LPAR6: variants seen among roughly 807,000 people sequenced by gnomAD.
LPAR6 encodes G-protein coupled purinergic receptor P2Y5.
Under a neutral mutation model 22.0 loss-of-function variants are expected in LPAR6, and 17 were observed. The observed-to-expected ratio is 0.77, with a 90% CI of 0.53 to 1.16. The LOEUF is 1.16. Ranked by LOEUF, LPAR6 falls within the 50% of genes most tolerant of loss-of-function variation. The pLI, the probability that LPAR6 is intolerant of heterozygous loss-of-function variation, is 0.00. For synonymous variants in LPAR6, 136 were observed against 139.8 expected (o/e 0.97, Z 0.19); for missense variants, 384 against 406.9 (o/e 0.94, Z 0.48).
At chr13:48,435,738 G>A (rs1192642589) in intron 1 of LPAR6, among the ~76,000 whole-genome samples, 2 of 152,136 alleles carry the variant, frequency 1.3e-5, no homozygotes, top group African/African-American at 4.8e-5. Context: ...TGAGATTTGG[G>A]TTGAGGTTTT....
intron 1 of LPAR6, among the ~76,000 whole-genome samples, chr13:48,403,432 T>C (rs1296712267): frequency 2.0e-5 from 3 of 151,976 alleles, no homozygotes; most frequent in Non-Finnish European, 4.4e-5. Flanking sequence ...AGTTGATTCA[T>C]TTTTTTAGTA....
At chr13:48,402,137 C>T (rs995170650) in intron 1 of LPAR6, among the ~76,000 whole-genome samples, 1 of 152,022 alleles carries the variant, frequency 6.6e-6, no homozygotes, top group Non-Finnish European at 1.5e-5. Context: ...ACATAGGATA[C>T]ACTAATCCAA....
intron 1 of LPAR6, chr13:48,401,207 C>T (rs1948689072): frequency 6.6e-6 from 1 of 152,082 alleles, no homozygotes; most frequent in Admixed American, 6.6e-5. Context: ...GATGGAAGCA[C>T]ATATACTCTT....
rs764752878 is a variant in LPAR6 at position 48,412,186 on chromosome 13, G to T, written c.238C>A (p.Arg80=). The part of the protein sequence containing the change: ...LPFRIFYFTT[R]NWPFGDLLCK... ...AGTAAATCTCCAAATGGCCAATTCCGTGTTGTGAAGTAAAAAATCCTGAAG... is the reference window on the plus strand; with the variant it reads ...AGTAAATCTCCAAATGGCCAATTCCTTGTTGTGAAGTAAAAAATCCTGAAG... Residue 80 remains arginine, a synonymous_variant, in exon 1 of 1, where the codon CGG becomes AGG. Coordinates refer to ENST00000620633, the MANE Select transcript of LPAR6 (RefSeq NM_001162498.3). 2 of 1,613,794 alleles carry T rather than the reference G, an allele frequency of 1.2e-6. No homozygotes were observed. The highest frequency in any genetic ancestry group is 1.7e-6 in the Non-Finnish European group (2 of 1,179,956).
intron 1 of LPAR6, among the ~76,000 whole-genome samples, chr13:48,435,811 G>A (rs1949177399): frequency 6.6e-6 from 1 of 152,146 alleles, no homozygotes; most frequent in Non-Finnish European, 1.5e-5. Flanking sequence ...TTATTTTAAA[G>A]GCTATCCTTT....
At chr13:48,433,182 G>A (rs534470801) in intron 1 of LPAR6, among the ~76,000 whole-genome samples, 9 of 151,924 alleles carry the variant, frequency 5.9e-5, no homozygotes, top group East Asian at 1.9e-4. Flanking sequence ...TATCTAAAAC[G>A]TGACTTATTA....
rs1948810552 is a variant in LPAR6 at position 48,411,814 on chromosome 13, A to G, written c.610T>C (p.Ser204Pro). The change falls in exon 1 of 1, where the codon TCT becomes CCT. Residue 204 changes from serine to proline, a missense_variant. Physicochemically the swap from Ser to Pro is moderately conservative, Grantham distance 74. Coordinates refer to ENST00000620633, the MANE Select transcript of LPAR6 (RefSeq NM_001162498.3). ...GTTAAAGTTTTTAGCACCATACTAG[A>G]ACAAGTTACATTTAAAATTAGAGGA... ...FIPLILNVTC[S>P]SMVLKTLTKP... 1 of 1,612,934 alleles carries G rather than the reference A, an allele frequency of 6.2e-7. No homozygotes were observed.
intron 1 of LPAR6, among the ~76,000 whole-genome samples, chr13:48,394,242 A>C (rs930520645): frequency 6.6e-6 from 1 of 152,218 alleles, no homozygotes; most frequent in Non-Finnish European, 1.5e-5. Flanking sequence ...CTTTTCCCAC[A>C]GTCTTCGCAA....
At chr13:48,394,409 C>T (rs1327472546) in intron 1 of LPAR6, among the ~76,000 whole-genome samples, 2 of 152,170 alleles carry the variant, frequency 1.3e-5, no homozygotes, top group Non-Finnish European at 2.9e-5. Flanking sequence ...TAGAACCATT[C>T]ACTCCCCCGG....
At chr13:48,431,950 A>G (rs955992509) in intron 1 of LPAR6, among the ~76,000 whole-genome samples, 2 of 152,084 alleles carry the variant, frequency 1.3e-5, no homozygotes, top group Non-Finnish European at 2.9e-5. Flanking sequence ...GTGCTTTTCT[A>G]GGTGCTGGGA....
chr13:48,422,938 C>T (rs1271464057), intron 1 of LPAR6: 1 of 152,152 alleles, frequency 6.6e-6, no homozygotes, highest in Non-Finnish European at 1.5e-5. Context: ...ACCAGGATTT[C>T]AAGACCAGCC....
At chr13:48,426,962 A>G (rs1593506927), upstream of LPAR6, 5 of 152,634 alleles carry the variant, frequency 3.3e-5, no homozygotes, top group Admixed American at 3.3e-4. Context: ...GGAAACAGGC[A>G]TGTCACGTGG....
rs773291130 is a variant in LPAR6, at chr13:48,412,022, C to G, written c.402G>C (p.Lys134Asn). 55 of 1,612,700 alleles carry G rather than the reference C, an allele frequency of 3.4e-5. No individual in the cohort carries two copies. Among genetic ancestry groups the G allele is most frequent in the Non-Finnish European group, 4.4e-5 (52 of 1,179,390 alleles). Reference protein sequence around the residue: ...SKTLRTKRNAKIVCTGVWLTV... With the variant: ...SKTLRTKRNANIVCTGVWLTV... ...TTAACCACACGCCAGTGCAAACAAT[C>G]TTTGCATTTCTTTTGGTTCTTAGAG... The change falls in exon 1 of 1, where the codon AAG becomes AAC. Residue 134 changes from lysine (K) to asparagine (N), a missense_variant. Physicochemically the swap from Lys to Asn is moderately conservative, Grantham distance 94 (BLOSUM62 0). Coordinates refer to ENST00000620633, the MANE Select transcript of LPAR6 (RefSeq NM_001162498.3).
At chr13:48,393,396 C>G (rs757601902) in intron 1 of LPAR6, among the ~76,000 whole-genome samples, 2 of 152,208 alleles carry the variant, frequency 1.3e-5, no homozygotes, top group Non-Finnish European at 2.9e-5. Context: ...GGACCATAAA[C>G]TGTCCCCAGG....
intron 1 of LPAR6, among the ~76,000 whole-genome samples, chr13:48,403,790 T>C (rs1325326031): frequency 6.6e-6 from 1 of 152,096 alleles, no homozygotes; most frequent in Non-Finnish European, 1.5e-5. Context: ...CTACACTTTG[T>C]GAGCAACATT....
intron 1 of LPAR6, among the ~76,000 whole-genome samples, chr13:48,392,523 C>T (rs1948618898): frequency 6.6e-6 from 1 of 152,042 alleles, no homozygotes; most frequent in Non-Finnish European, 1.5e-5. Context: ...TCTGAGGTAT[C>T]TAATCTGCTA....
chr13:48,420,574 G>A (rs955429931), intron 2 of LPAR6, among the ~76,000 whole-genome samples: 1 of 152,102 alleles, frequency 6.6e-6, no homozygotes, highest in African/African-American at 2.4e-5. Flanking sequence ...GCGTATTCAA[G>A]TAGGAAGAGA....
At chr13:48,391,516 GGGCTGA>G (rs1452124552) in intron 1 of LPAR6, 1 of 151,962 alleles carries the variant, frequency 6.6e-6, no homozygotes, top group Non-Finnish European at 1.5e-5. Context: ...ACACTTAGTG[GGGCTGA>G]GGCGGGAGGA....
At chr13:48,409,146 TTC>T (rs1378795461), downstream of LPAR6, among the ~76,000 whole-genome samples, 2 of 151,052 alleles carry the variant, frequency 1.3e-5, no homozygotes, top group East Asian at 1.9e-4. Context: ...TTTTTTTCTT[TTC>T]TCTTTTTTTT....
Sources: gnomAD v4.1 joint callset for allele counts (sites outside exome capture counted in the v4.1 genomes callset) on GRCh38, gnomAD v4.1.1 for gene constraint, MANE v1.5 for transcripts, NCBI Gene and HGNC (gene_info 2026-07-23, HGNC 2026-07-21) for gene names.